DAB1: variants seen among roughly 807,000 people sequenced by gnomAD.
DAB1 encodes the protein DAB adaptor protein 1.
Under a neutral mutation model 64.6 loss-of-function variants are expected in DAB1, and 15 were observed. The observed-to-expected ratio is 0.23, with a 90% confidence interval of 0.16 to 0.36. The LOEUF (loss-of-function observed/expected upper bound fraction) is 0.36. DAB1 is among the 10% of genes least tolerant of loss of function. The pLI, the probability that DAB1 is intolerant of heterozygous loss-of-function variation, is 1.00. For synonymous variants in DAB1, 235 were observed against 251.9 expected (o/e 0.93, Z 0.64); for missense variants, 596 against 706.7 (o/e 0.84, Z 1.78).
intron 3 of DAB1, among the ~76,000 whole-genome samples, chr1:57,142,625 C>CACAT (rs1658717969): frequency 6.7e-6 from 1 of 148,564 alleles, no homozygotes; most frequent in African/African-American, 2.6e-5. Flanking sequence ...CACACACACA[C>CACAT]ACACATACAC....
At chr1:57,827,712 A>G (rs1652412812) in intron 1 of DAB1, among the ~76,000 whole-genome samples, 1 of 152,046 alleles carries the variant, frequency 6.6e-6, no homozygotes, top group Non-Finnish European at 1.5e-5. Context: ...ACCTTTCGTG[A>G]CTTATCTGGA....
intron 5 of DAB1, among the ~76,000 whole-genome samples, chr1:58,013,880 C>T (rs557863634): frequency 8.3e-6 from 1 of 120,284 alleles, no homozygotes; most frequent in African/African-American, 3.1e-5. Context: ...TTATTTCTTC[C>T]TTTTCTTTTT....
At chr1:57,180,957 C>T (rs78921149) in intron 2 of DAB1, among the ~76,000 whole-genome samples, 8,308 of 152,194 alleles carry the variant, frequency 0.055, 353 homozygotes, top group East Asian at 0.15. Flanking sequence ...AACCTACTTG[C>T]CCACATAAAT....
At chr1:58,492,136 C>A (rs338255) in intron 3 of DAB1, among the ~76,000 whole-genome samples, 132,774 of 152,162 alleles carry the variant, frequency 0.87, 58,545 homozygotes, top group African/African-American at 0.97. Flanking sequence ...AACCACATGG[C>A]AACTGAACAA....
At chr1:58,544,986 C>T (rs1646678101) in intron 1 of DAB1, among the ~76,000 whole-genome samples, 1 of 152,146 alleles carries the variant, frequency 6.6e-6, no homozygotes, top group African/African-American at 2.4e-5. Flanking sequence ...ACTGATCATA[C>T]TGCACTGCGA....
intron 6 of DAB1, among the ~76,000 whole-genome samples, chr1:57,737,990 G>A (rs925665468): frequency 4.6e-5 from 7 of 152,134 alleles, no homozygotes; most frequent in African/African-American, 1.7e-4. Context: ...GTTCTGCTGT[G>A]GAATATCATG....
At chr1:57,417,530 G>A (rs571192195) in intron 1 of DAB1, among the ~76,000 whole-genome samples, 1 of 152,166 alleles carries the variant, frequency 6.6e-6, no homozygotes, top group Admixed American at 6.5e-5. Context: ...AAGGTTCTAT[G>A]GCAAATGAAT....
At chr1:57,673,003 T>C (rs923424665) in intron 6 of DAB1, among the ~76,000 whole-genome samples, 1 of 152,174 alleles carries the variant, frequency 6.6e-6, no homozygotes, top group African/African-American at 2.4e-5. Flanking sequence ...GTGTGTGTCA[T>C]AGTTAATTTG....
rs554409188 is a variant in DAB1, at chr1:57,628,124, C to T, written n.625+21468G>A. Among the ~76,000 whole-genome samples, 3 of 152,298 alleles carry T rather than the reference C, an allele frequency of 2.0e-5. No individual in the cohort carries two copies. The South Asian group carries it at 6.2e-4, about 32-fold the overall frequency. ...TTGGAACTGAGTCCTGACTCTGCCT[C>T]GTGGGTGTGACCTTGAGCAAGTCAC... is the stretch of plus-strand genomic sequence containing the variant. On this transcript the variant is annotated intron_variant and non_coding_transcript_variant, in intron 7 of 20. Transcript: ENST00000485760.
chr1:58,361,622 C>T (rs1644168016), intron 3 of DAB1, among the ~76,000 whole-genome samples: 2 of 152,100 alleles, frequency 1.3e-5, no homozygotes, highest in African/African-American at 4.8e-5. Flanking sequence ...TGCAGCCTTG[C>T]CCTTTTTTCT....
chr1:58,486,726 T>A (rs561088918), intron 3 of DAB1, among the ~76,000 whole-genome samples: 1 of 152,308 alleles, frequency 6.6e-6, no homozygotes, highest in East Asian at 1.9e-4. Context: ...GGAAGCGATT[T>A]AAGATTATGG....
At chr1:57,426,875 T>TATATATATATATA (rs1553180831), upstream of DAB1, among the ~76,000 whole-genome samples, 4 of 129,942 alleles carry the variant, frequency 3.1e-5, no homozygotes, top group African/African-American at 6.9e-5. Flanking sequence ...TATATATATA[T>TATATATATATATA]TTTTTTGAGA....
intron 1 of DAB1, among the ~76,000 whole-genome samples, chr1:57,327,929 A>T (rs574621763): frequency 6.6e-6 from 1 of 152,324 alleles, no homozygotes; most frequent in Non-Finnish European, 1.5e-5. Flanking sequence ...TATGATGTTT[A>T]AAAATAACCT....
chr1:58,206,763 T>C (rs1302878662), intron 4 of DAB1, among the ~76,000 whole-genome samples: 27 of 152,218 alleles, frequency 1.8e-4, no homozygotes, highest in Admixed American at 1.6e-3. Flanking sequence ...ATTTGGTTAG[T>C]AGTTGTGAAA....
intron 7 of DAB1, among the ~76,000 whole-genome samples, chr1:57,641,205 A>G (rs1251942911): frequency 1.3e-5 from 2 of 152,050 alleles, no homozygotes; most frequent in African/African-American, 4.8e-5. Flanking sequence ...AGCTCATTGC[A>G]GGGAAGCCAA....
chr1:57,012,568 T>A (rs911615275), intron 12 of DAB1, among the ~76,000 whole-genome samples: 5 of 152,166 alleles, frequency 3.3e-5, no homozygotes, highest in African/African-American at 1.2e-4. Flanking sequence ...TCCCAAAACA[T>A]TCTTAAGGGG....
chr1:57,165,211 C>CT (rs1201747941), intron 2 of DAB1, among the ~76,000 whole-genome samples: 2 of 152,020 alleles, frequency 1.3e-5, no homozygotes, highest in Non-Finnish European at 2.9e-5. Context: ...TCCTAAACAA[C>CT]TTTTTTTGTC....
chr1:57,840,660 G>A (rs1569825209), intron 1 of DAB1, among the ~76,000 whole-genome samples: 1 of 152,112 alleles, frequency 6.6e-6, no homozygotes, highest in African/African-American at 2.4e-5. Context: ...TCTTAACATG[G>A]CAGCAGGAGA....
At chr1:57,513,937 G>A (rs575035778) in intron 7 of DAB1, among the ~76,000 whole-genome samples, 1 of 152,296 alleles carries the variant, frequency 6.6e-6, no homozygotes, top group South Asian at 2.1e-4. Context: ...ATGTAAGTGA[G>A]ATCATGTGTG....
Sources: allele counts gnomAD v4.1 joint callset (sites outside exome capture counted in the v4.1 genomes callset), GRCh38; gene constraint gnomAD v4.1.1; transcripts MANE v1.5; gene names NCBI Gene and HGNC (gene_info 2026-07-23, HGNC 2026-07-21).